The following BRCA1 variants were observed in gnomAD, a reference collection of about 807,000 sequenced individuals.
The protein encoded by BRCA1 is BRCA1 DNA repair associated, also known as breast cancer type 1 susceptibility protein.
A neutral mutation model predicts 173.7 loss-of-function variants in BRCA1; 140 were observed. The ratio of observed to expected loss-of-function variants is 0.81; its 90% confidence interval spans 0.70 to 0.93. The LOEUF (loss-of-function observed/expected upper bound fraction) is 0.93. BRCA1 is among the 40% of genes least tolerant of loss of function. The probability of loss-of-function intolerance (pLI) is 0.00; values close to 1 mark genes in which losing one functional copy is unlikely to be tolerated. For missense variants in BRCA1, 1,983 were observed against 2,172.5 expected (o/e 0.91, Z 1.73); for synonymous variants, 662 against 756.0 (o/e 0.88, Z 2.04).
chr17:43,105,320 G>A (rs1410354215), intron 4 of BRCA1, among the ~76,000 whole-genome samples: 2 of 152,044 alleles, frequency 1.3e-5, no homozygotes, highest in African/African-American at 4.8e-5. Flanking sequence ...GCTCACTGCA[G>A]CCTCAGACTT....
upstream of BRCA1, among the ~76,000 whole-genome samples, chr17:43,129,946 G>T (rs1385293772): frequency 6.6e-6 from 1 of 152,158 alleles, no homozygotes; most frequent in African/African-American, 2.4e-5. Context: ...AATACTTGAC[G>T]TCAGCAGGAC....
chr17:43,123,193 C>G (rs1337296245), intron 2 of BRCA1, among the ~76,000 whole-genome samples: 2 of 151,910 alleles, frequency 1.3e-5, no homozygotes. Context: ...GATAGCACCA[C>G]TGCACTCCAG....
chr17:43,156,827 A>G lies in BRCA1; in HGVS notation c.-20+13299T>C, dbSNP rs142413326. Among the ~76,000 whole-genome samples the G allele has an allele frequency of 2.6e-3, 398 of 152,334 alleles. 3 individuals carry two copies. Among genetic ancestry groups the G allele is most frequent in the African/African-American group, 9.4e-3 (390 of 41,574 alleles). On this transcript the variant is annotated intron_variant, in intron 1 of 7. Transcript: ENST00000634433. ...AAACATAAACTGTGAACAGATGAAA[A>G]CTCCAATATGTAAAAAGGTAATGAA...
chr17:43,138,249 C>A (rs2056043873), intron 1 of BRCA1: 1 of 202,946 alleles, frequency 4.9e-6, no homozygotes, highest in Non-Finnish European at 1.0e-5. Context: ...TCCCTGCGGG[C>A]ACATTTTCTC....
At chr17:43,089,899 C>T (rs1481318314) in intron 11 of BRCA1, among the ~76,000 whole-genome samples, 1 of 151,156 alleles carries the variant, frequency 6.6e-6, no homozygotes, top group Non-Finnish European at 1.5e-5. Context: ...CCCAGCTACT[C>T]GGGAAGCTGA....
intron 16 of BRCA1, among the ~76,000 whole-genome samples, chr17:43,064,907 G>A (rs1013511149): frequency 6.8e-6 from 1 of 147,874 alleles, no homozygotes; most frequent in African/African-American, 2.5e-5. Flanking sequence ...CTCAGCTCAC[G>A]GCAAGCTCTG....
chr17:43,165,051 G>T (rs1435142185), intron 1 of BRCA1, among the ~76,000 whole-genome samples: 1 of 152,144 alleles, frequency 6.6e-6, no homozygotes, highest in Non-Finnish European at 1.5e-5. Context: ...CTTCTCGTAT[G>T]ATTTTTATAC....
intron 3 of BRCA1, among the ~76,000 whole-genome samples, chr17:43,111,321 A>T (rs1239939062): frequency 6.6e-6 from 1 of 151,802 alleles, no homozygotes; most frequent in Admixed American, 6.6e-5. Flanking sequence ...GGAGTTTTGG[A>T]CCAGCCTGGC....
At position 43,100,665 on chromosome 17, in the gene BRCA1, T is replaced by TGTTATATATATAACATATATATAAC. The variant is rs1252025535; in HGVS notation, c.442-786_442-785insGTTATATATATGTTATATATATAAC. On this transcript the variant is annotated intron_variant, in intron 6 of 22. Coordinates refer to ENST00000357654, the MANE Select transcript of BRCA1 (RefSeq NM_007294.4). ...ATATAACATATATATAACATATATA[T>TGTTATATATATAACATATATATAAC]ATATATATATATAATATATATATAT... Among the ~76,000 whole-genome samples the TGTTATATATATAACATATATATAAC allele has an allele frequency of 3.3e-4, 2 of 6,118 alleles. 1 individual carries two copies. The highest frequency in any genetic ancestry group is 1.2e-3 in the African/African-American group (2 of 1,648). 4.0% of individuals were successfully genotyped at this position (6,118 alleles called of 152,430 possible). A position where few individuals can be genotyped will look rare whatever the true frequency, so the allele number is the denominator to read the frequency against.
chr17:43,062,254 C>T (rs752140674), intron 18 of BRCA1, among the ~76,000 whole-genome samples: 1 of 151,740 alleles, frequency 6.6e-6, no homozygotes, highest in Non-Finnish European at 1.5e-5. Flanking sequence ...CTGCCATGCC[C>T]GGCTAATTAA....
At chr17:43,138,585 C>A (rs2056047230) in intron 1 of BRCA1, 1 of 723,594 alleles carries the variant, frequency 1.4e-6, no homozygotes, top group Non-Finnish European at 2.6e-6. Context: ...GGCTCCCCAC[C>A]ATGCCTGGAT....
intron 1 of BRCA1, among the ~76,000 whole-genome samples, chr17:43,136,878 C>A (rs1250440826): frequency 6.6e-6 from 1 of 152,212 alleles, no homozygotes; most frequent in African/African-American, 2.4e-5. Flanking sequence ...TGTGGTGATT[C>A]CTCAAGGATC....
At chr17:43,117,796 T>G (rs527441265) in intron 2 of BRCA1, among the ~76,000 whole-genome samples, 1 of 152,202 alleles carries the variant, frequency 6.6e-6, no homozygotes, top group South Asian at 2.1e-4. Context: ...CAAGTTCCCA[T>G]CCCTACCTGT....
intron 1 of BRCA1, chr17:43,148,920 T>C (rs2154581583): frequency 6.0e-6 from 1 of 166,964 alleles, no homozygotes; most frequent in South Asian, 2.1e-4. Context: ...AATTGTATGC[T>C]GTTTAACAGT....
intron 1 of BRCA1, among the ~76,000 whole-genome samples, chr17:43,136,854 A>G (rs573276984): frequency 1.3e-5 from 2 of 152,358 alleles, no homozygotes; most frequent in East Asian, 3.9e-4. Flanking sequence ...TAGTTCAACC[A>G]TTGTGGAAAA....
chr17:43,049,094 C>T, intron 21 of BRCA1, 27 bp downstream of exon 21: 1 of 1,605,256 alleles, frequency 6.2e-7, no homozygotes, highest in Non-Finnish European at 8.5e-7. Flanking sequence ...TGTGTCCTCC[C>T]TCTCTGACAG....
rs542356303 is a variant in BRCA1, at chr17:43,052,971, G to T, written c.5278-1854C>A. ...GGCTCACTGCAACCTCCACCTCCTGGGTTCAAGTGATTCTCCTGCCTCAGC... is the reference window on the plus strand; with the variant it reads ...GGCTCACTGCAACCTCCACCTCCTGTGTTCAAGTGATTCTCCTGCCTCAGC... On this transcript the variant is annotated intron_variant, in intron 19 of 22. Coordinates refer to ENST00000357654, the MANE Select transcript of BRCA1 (RefSeq NM_007294.4). Among the ~76,000 whole-genome samples the T allele has an allele frequency of 7.9e-5, 12 of 151,564 alleles. No individual in the cohort carries two copies. In the East Asian group the frequency reaches 2.1e-3, roughly 27 times the overall value.
chr17:43,094,676 A>T lies in BRCA1; in HGVS notation c.855T>A (p.His285Gln), dbSNP rs1345896191. 1 of 1,613,996 alleles carries T rather than the reference A, an allele frequency of 6.2e-7. No individual in the cohort carries two copies. Among genetic ancestry groups the T allele is most frequent in the Non-Finnish European group, 8.5e-7 (1 of 1,179,972 alleles). Reference sequence around the variant, plus strand: ...TAGTGAGTAATAAACTGCTGTTCTCATGCTGTAATGAGCTGGCATGAGTAT... The same window carrying T: ...TAGTGAGTAATAAACTGCTGTTCTCTTGCTGTAATGAGCTGGCATGAGTAT... ...GTNTHASSLQHENSSLLLTKD... is the reference protein window; with the variant it reads ...GTNTHASSLQQENSSLLLTKD... The change falls in exon 10 of 23, where the codon CAT (histidine) becomes CAA (glutamine). Residue 285 changes from histidine to glutamine, a missense_variant. By Grantham distance (24) the His-to-Gln change is conservative (BLOSUM62 0). Coordinates refer to ENST00000357654, the MANE Select transcript of BRCA1 (RefSeq NM_007294.4).
In BRCA1 at chr17:43,093,112, C is replaced by T. The variant is rs80357240; in HGVS notation, c.2419G>A (p.Ala807Thr). Reference protein sequence around the residue: ...EPNKCVSQCAAFENPKGLIHG... With the variant: ...EPNKCVSQCATFENPKGLIHG... Reference sequence around the variant, plus strand: ...ATTAGTCCCTTGGGGTTTTCAAATGCTGCACACTGACTCACACATTTATTT... The same window carrying T: ...ATTAGTCCCTTGGGGTTTTCAAATGTTGCACACTGACTCACACATTTATTT... The change falls in exon 10 of 23, where the codon GCA becomes ACA. Residue 807 changes from alanine to threonine, a missense_variant. Coordinates refer to ENST00000357654, the MANE Select transcript of BRCA1 (RefSeq NM_007294.4). The T allele has an allele frequency of 1.9e-6, 3 of 1,613,618 alleles. No homozygotes were observed. The highest frequency in any genetic ancestry group is 1.6e-4 in the Middle Eastern group (1 of 6,062).
Sources: allele counts gnomAD v4.1 joint callset (sites outside exome capture counted in the v4.1 genomes callset), GRCh38; gene constraint gnomAD v4.1.1; transcripts MANE v1.5; gene names NCBI Gene and HGNC (gene_info 2026-07-23, HGNC 2026-07-21).